Variants in MRPS27 observed in about 807,000 individuals in gnomAD.
MRPS27 encodes mitochondrial ribosomal protein S27, also known as small ribosomal subunit protein mS27.
In MRPS27, 43 loss-of-function variants were observed where a neutral mutation model predicts 48.9. The observed-to-expected ratio is 0.88, with a 90% CI of 0.69 to 1.13. The LOEUF is 1.13. Ranked by LOEUF, MRPS27 falls within the 50% of genes most tolerant of loss-of-function variation. The probability of loss-of-function intolerance (pLI) is 0.00; values close to 1 mark genes in which losing one functional copy is unlikely to be tolerated. For synonymous variants in MRPS27, 188 were observed against 171.9 expected (o/e 1.09, Z -0.73); for missense variants, 467 against 476.3 (o/e 0.98, Z 0.18).
chr5:72,308,177 C>T lies in MRPS27; in HGVS notation c.151+5904G>A, dbSNP rs1374722012. On this transcript the variant is annotated intron_variant, in intron 2 of 10. Transcript: ENST00000261413. The stretch of plus-strand genomic sequence containing the variant: ...TGGGAAACTGCCCTCACGCTAGGGC[C>T]CTCCCCGAGGAGCTCTCTGGCACAA... 2.6e-5 allele frequency among the ~76,000 whole-genome samples: 4 copies of T among 152,190 alleles called. No individual in the cohort carries two copies. The East Asian group carries it at 7.7e-4, about 29-fold the overall frequency.
chr5:72,233,983 C>A, intron 6 of MRPS27, 136 bp downstream of exon 6: 2 of 940,236 alleles, frequency 2.1e-6, no homozygotes, highest in South Asian at 3.1e-5. Flanking sequence ...AAAAGATAAT[C>A]ATCAAAACTT....
intron 3 of MRPS27, among the ~76,000 whole-genome samples, chr5:72,295,895 T>C (rs1319276117): frequency 4.6e-5 from 7 of 152,182 alleles, no homozygotes; most frequent in Non-Finnish European, 4.4e-5. Context: ...TGATTATAAC[T>C]AGTTACCTAT....
At chr5:72,308,586 C>G (rs751240869) in intron 2 of MRPS27, among the ~76,000 whole-genome samples, 1 of 152,236 alleles carries the variant, frequency 6.6e-6, no homozygotes, top group African/African-American at 2.4e-5. Flanking sequence ...AGGGGCCACA[C>G]TGCCACCTAC....
intron 1 of MRPS27, among the ~76,000 whole-genome samples, chr5:72,314,935 G>A (rs961775125): frequency 1.3e-5 from 2 of 152,156 alleles, no homozygotes; most frequent in African/African-American, 4.8e-5. Flanking sequence ...CTTACCCAAT[G>A]AGCCAGCACC....
chr5:72,289,137 A>G (rs1749752675), intron 4 of MRPS27, among the ~76,000 whole-genome samples: 1 of 152,212 alleles, frequency 6.6e-6, no homozygotes, highest in African/African-American at 2.4e-5. Flanking sequence ...TCCATCTCCA[A>G]CCAGGGATAC....
At chr5:72,283,097 A>G (rs1276858580) in intron 4 of MRPS27, among the ~76,000 whole-genome samples, 1 of 152,170 alleles carries the variant, frequency 6.6e-6, no homozygotes, top group African/African-American at 2.4e-5. Flanking sequence ...GAGGCATCCA[A>G]GATGATCTGC....
At chr5:72,241,653 T>C in intron 4 of MRPS27, 1 of 1,535,536 alleles carries the variant, frequency 6.5e-7, no homozygotes, top group South Asian at 1.2e-5. Flanking sequence ...TTGCCTGGAA[T>C]AATTCTGTGG....
chr5:72,245,253 G>A (rs142763407), intron 4 of MRPS27, among the ~76,000 whole-genome samples: 1 of 152,252 alleles, frequency 6.6e-6, no homozygotes, highest in Non-Finnish European at 1.5e-5. Context: ...GGCTACAGAG[G>A]GCCTTTACCT....
At chr5:72,257,264 G>A in intron 4 of MRPS27, among the ~76,000 whole-genome samples, 1 of 152,118 alleles carries the variant, frequency 6.6e-6, no homozygotes, top group East Asian at 1.9e-4. Context: ...GTAAAATGAG[G>A]GGGTTAAATG....
At chr5:72,252,725 A>G (rs897233890) in intron 4 of MRPS27, among the ~76,000 whole-genome samples, 3 of 152,218 alleles carry the variant, frequency 2.0e-5, no homozygotes, top group African/African-American at 7.2e-5. Context: ...CATTTGGCAT[A>G]GCAGGAAATT....
rs186197447 is a variant in MRPS27 at position 72,317,666 on chromosome 5, C to T, written c.73+2483G>A. On this transcript the variant is annotated intron_variant, in intron 1 of 10. Transcript: ENST00000261413. Reference sequence around the variant, plus strand: ...GTGCTGGGATTACAGGTGTGAGCCACCACACCCGGCCTAATTTTATTTATT... The same window carrying T: ...GTGCTGGGATTACAGGTGTGAGCCATCACACCCGGCCTAATTTTATTTATT... Among the ~76,000 whole-genome samples the T allele has an allele frequency of 6.5e-3, 990 of 151,762 alleles. 9 individuals carry two copies. Among genetic ancestry groups the T allele is most frequent in the African/African-American group, 0.023 (948 of 41,330 alleles).
intron 2 of MRPS27, among the ~76,000 whole-genome samples, chr5:72,308,962 C>T (rs1750361217): frequency 1.3e-5 from 2 of 152,176 alleles, no homozygotes; most frequent in Admixed American, 1.3e-4. Context: ...AATTTATAGG[C>T]ACAGAAACCG....
At chr5:72,226,326 T>C in intron 8 of MRPS27, 127 bp from the exon 9 acceptor site, 3 of 1,146,304 alleles carry the variant, frequency 2.6e-6, no homozygotes, top group Non-Finnish European at 3.8e-6. Flanking sequence ...TCATTTTAAA[T>C]CTGTACCAAC....
intron 4 of MRPS27, among the ~76,000 whole-genome samples, chr5:72,264,076 G>A (rs918096807): frequency 1.3e-5 from 2 of 152,030 alleles, no homozygotes; most frequent in African/African-American, 4.8e-5. Context: ...AAGAAATAAA[G>A]TACTGATACA....
intron 4 of MRPS27, among the ~76,000 whole-genome samples, chr5:72,288,013 C>T (rs1749720143): frequency 1.3e-5 from 2 of 152,150 alleles, no homozygotes; most frequent in Admixed American, 6.5e-5. Flanking sequence ...TGCAGAGGTA[C>T]ATAGTTAGCA....
chr5:72,276,873 T>C (rs1749389902), intron 4 of MRPS27, among the ~76,000 whole-genome samples: 1 of 151,730 alleles, frequency 6.6e-6, no homozygotes, highest in African/African-American at 2.4e-5. Flanking sequence ...CTACTAAAAA[T>C]ACAAAAAATT....
intron 4 of MRPS27, among the ~76,000 whole-genome samples, chr5:72,293,979 T>C (rs967234728): frequency 6.6e-6 from 1 of 152,082 alleles, no homozygotes; most frequent in African/African-American, 2.4e-5. Flanking sequence ...ATCAAGGGGT[T>C]CGTTTATCTT....
intron 4 of MRPS27, among the ~76,000 whole-genome samples, chr5:72,262,405 T>C (rs868007154): frequency 6.6e-6 from 1 of 151,822 alleles, no homozygotes; most frequent in Non-Finnish European, 1.5e-5. Flanking sequence ...AAAAAACCCA[T>C]AAAAACCCAA....
At chr5:72,287,438 A>C (rs1487476188) in intron 4 of MRPS27, among the ~76,000 whole-genome samples, 1 of 152,164 alleles carries the variant, frequency 6.6e-6, no homozygotes, top group Non-Finnish European at 1.5e-5. Context: ...TCAGGAGTTC[A>C]AGACCGGCCT....
Sources: gnomAD v4.1 joint callset for allele counts (sites outside exome capture counted in the v4.1 genomes callset) on GRCh38, gnomAD v4.1.1 for gene constraint, MANE v1.5 for transcripts, NCBI Gene and HGNC (gene_info 2026-07-23, HGNC 2026-07-21) for gene names.